Variants in SDC4 observed in about 807,000 individuals in gnomAD.
SDC4 encodes syndecan-4.
A neutral mutation model predicts 20.5 loss-of-function variants in SDC4; 17 were observed. The observed-to-expected ratio is 0.83, with a 90% CI of 0.57 to 1.25. The LOEUF (loss-of-function observed/expected upper bound fraction) is 1.25. Ranked by LOEUF, SDC4 falls within the 50% of genes most tolerant of loss-of-function variation. The pLI is 0.00. For synonymous variants in SDC4, 107 were observed against 105.3 expected, an observed-to-expected ratio of 1.02 and a Z score of -0.10; for missense variants, 241 against 252.3, an observed-to-expected ratio of 0.96 and a Z score of 0.30.
intron 2 of SDC4, among the ~76,000 whole-genome samples, chr20:45,335,529 G>A (rs1446190833): frequency 6.8e-6 from 1 of 148,004 alleles, no homozygotes; most frequent in African/African-American, 2.5e-5. Context: ...ATGAGGACAC[G>A]TTCAGGCTGG....
chr20:45,343,010 G>C (rs1344998777), intron 1 of SDC4, among the ~76,000 whole-genome samples: 1 of 152,176 alleles, frequency 6.6e-6, no homozygotes, highest in Non-Finnish European at 1.5e-5. Context: ...CATCAACAAA[G>C]TGACGTATTA....
Position 45,327,187 on chromosome 20 carries a change from C to T in SDC4, c.*77G>A, listed in dbSNP as rs1043601254. The T allele has an allele frequency of 3.4e-5, 52 of 1,528,370 alleles. 1 individual carries two copies. Among genetic ancestry groups the T allele is most frequent in the Non-Finnish European group, 4.0e-5 (44 of 1,108,702 alleles). 94.7% of individuals were successfully genotyped at this position (1,528,370 alleles called of 1,614,324 possible). A position where few individuals can be genotyped will look rare whatever the true frequency, so the allele number is the denominator to read the frequency against. On this transcript the variant is annotated 3_prime_UTR_variant, in exon 5 of 5. Coordinates refer to ENST00000372733, the MANE Select transcript of SDC4 (RefSeq NM_002999.4). ...AAGTCAGTATTAGGTTGACCTCACCCTACCCTAATGTCCACCCTTCAAAAT... is the reference window on the plus strand; with the variant it reads ...AAGTCAGTATTAGGTTGACCTCACCTTACCCTAATGTCCACCCTTCAAAAT...
At chr20:45,343,959 T>C (rs1987993527) in intron 1 of SDC4, among the ~76,000 whole-genome samples, 2 of 152,046 alleles carry the variant, frequency 1.3e-5, no homozygotes, top group South Asian at 2.1e-4. Flanking sequence ...CAGTAAGAGG[T>C]GGACTTCGCA....
chr20:45,332,824 C>T (rs908472357), intron 3 of SDC4, among the ~76,000 whole-genome samples, 199 bp downstream of exon 3: 1 of 151,898 alleles, frequency 6.6e-6, no homozygotes, highest in African/African-American at 2.4e-5. Flanking sequence ...GAACTCCTGA[C>T]CTCAAGCCTC....
rs890374345 is a variant in SDC4 at position 45,326,842 on chromosome 20, G to C, written c.*422C>G. 4 of 158,836 alleles carry C rather than the reference G, an allele frequency of 2.5e-5. No individual in the cohort carries two copies. Among genetic ancestry groups the C allele is most frequent in the Admixed American group, 1.9e-4 (3 of 16,092 alleles). 9.8% of individuals were successfully genotyped at this position (158,836 alleles called of 1,614,324 possible). A position where few individuals can be genotyped will look rare whatever the true frequency, so the allele number is the denominator to read the frequency against. On this transcript the variant is annotated 3_prime_UTR_variant, in exon 5 of 5. Transcript: ENST00000372733. ...GTTCCTTCCCCCATTTCCTGGCAGA[G>C]AGACCGGCTGTGAAAGGAAGGGAGG...
chr20:45,347,983 C>T, intron 1 of SDC4, among the ~76,000 whole-genome samples: 1 of 152,012 alleles, frequency 6.6e-6, no homozygotes, highest in South Asian at 2.1e-4. Flanking sequence ...GGGGATTCAG[C>T]GCTCCAAGCC....
At position 45,325,418 on chromosome 20, in the gene SDC4, G is replaced by C. The variant is rs7138; in HGVS notation, c.*1846C>G. On this transcript the variant is annotated 3_prime_UTR_variant, in exon 5 of 5. Coordinates refer to ENST00000372733, the MANE Select transcript of SDC4 (RefSeq NM_002999.4). Reference sequence around the variant, plus strand: ...GGGGAAGGGCACTGGGGGCAGAAGAGGACCCAGCCAGCTGGGACCCTGGGT... The same window carrying C: ...GGGGAAGGGCACTGGGGGCAGAAGACGACCCAGCCAGCTGGGACCCTGGGT... The C allele has an allele frequency of 0.13, 20,259 of 152,766 alleles. 1,503 individuals carry two copies. Among genetic ancestry groups the C allele is most frequent in the South Asian group, 0.26 (1,263 of 4,818 alleles). 9.5% of individuals were successfully genotyped at this position (152,766 alleles called of 1,614,324 possible).
chr20:45,335,083 C>G (rs1293215511), intron 2 of SDC4, among the ~76,000 whole-genome samples: 42 of 152,134 alleles, frequency 2.8e-4, no homozygotes, highest in Non-Finnish European at 2.9e-5. Context: ...CACCCGCCCC[C>G]ACCCCCACTG....
chr20:45,337,367 C>T (rs1188200440), intron 1 of SDC4, among the ~76,000 whole-genome samples: 5 of 152,158 alleles, frequency 3.3e-5, no homozygotes, highest in African/African-American at 9.7e-5. Context: ...CCCATCTTCT[C>T]CAGACGCCAT....
At chr20:45,339,722 A>G (rs918553070) in intron 1 of SDC4, among the ~76,000 whole-genome samples, 1 of 152,236 alleles carries the variant, frequency 6.6e-6, no homozygotes, top group Non-Finnish European at 1.5e-5. Context: ...CCTGGGTGAC[A>G]GAGGAAGACC....
chr20:45,342,983 G>A (rs1248285173), intron 1 of SDC4, among the ~76,000 whole-genome samples: 1 of 152,178 alleles, frequency 6.6e-6, no homozygotes, highest in African/African-American at 2.4e-5. Flanking sequence ...GTGTTTTATA[G>A]AGGACACTGG....
chr20:45,336,767 T>C (rs1233308724), intron 1 of SDC4, among the ~76,000 whole-genome samples: 2 of 151,796 alleles, frequency 1.3e-5, no homozygotes, highest in Non-Finnish European at 2.9e-5. Flanking sequence ...CCCAGCTGAG[T>C]CAGTCTGGGC....
rs1009757298 is a variant in SDC4, at chr20:45,325,502, C to T, written c.*1762G>A. The T allele has an allele frequency of 4.6e-5, 7 of 152,506 alleles. No individual in the cohort carries two copies. Among genetic ancestry groups the T allele is most frequent in the African/African-American group, 1.7e-4 (7 of 41,404 alleles). The allele number at this position is 152,506 out of a possible 1,614,324, so 9.4% of individuals were successfully genotyped here. ...CAGCAAGGGAGGGTGGTTCCCCTCA[C>T]CGCAGCCACTGGGGTCAGGAGGAGA... On this transcript the variant is annotated 3_prime_UTR_variant, in exon 5 of 5. Coordinates refer to ENST00000372733, the MANE Select transcript of SDC4 (RefSeq NM_002999.4).
chr20:45,333,180 G>T, intron 2 of SDC4, 111 bp from the exon 3 acceptor site: 2 of 1,007,788 alleles, frequency 2.0e-6, no homozygotes, highest in Non-Finnish European at 3.1e-6. Flanking sequence ...AATGCTCAAT[G>T]TCCAGCAAGC....
intron 2 of SDC4, among the ~76,000 whole-genome samples, chr20:45,335,123 T>C (rs1464766431): frequency 1.6e-5 from 2 of 122,708 alleles, no homozygotes; most frequent in Admixed American, 1.0e-4. Flanking sequence ...GTTTCCCAAC[T>C]ACATCTCTGC....
chr20:45,343,140 G>A (rs1311835459), intron 1 of SDC4, among the ~76,000 whole-genome samples: 1 of 152,164 alleles, frequency 6.6e-6, no homozygotes, highest in East Asian at 1.9e-4. Context: ...TGAGATGCAA[G>A]AATGTGCCCA....
chr20:45,348,260 G>C, intron 1 of SDC4, 65 bp downstream of exon 1: 7 of 1,238,746 alleles, frequency 5.7e-6, no homozygotes, highest in Non-Finnish European at 6.8e-6. Flanking sequence ...ACGCTCCGAC[G>C]AACAAAGGAG....
At chr20:45,328,050 C>T (rs191094814) in intron 4 of SDC4, among the ~76,000 whole-genome samples, 2 of 152,322 alleles carry the variant, frequency 1.3e-5, no homozygotes, top group South Asian at 2.1e-4. Context: ...AGGAGAAAAC[C>T]GTAGGCTATG....
chr20:45,330,115 G>A lies in SDC4; in HGVS notation c.445+251C>T, dbSNP rs2425696. 0.76 allele frequency among the ~76,000 whole-genome samples: 115,764 copies of A among 152,140 alleles called. 44,170 individuals carry two copies. Among genetic ancestry groups the A allele is most frequent in the East Asian group, 0.95 (4,886 of 5,168 alleles). Reference sequence around the variant, plus strand: ...AAATAAATGAGAAAGACTTAAGGCAGAAGAATGACTCAATGCCTATTTTCC... The same window carrying A: ...AAATAAATGAGAAAGACTTAAGGCAAAAGAATGACTCAATGCCTATTTTCC... On this transcript the variant is annotated intron_variant, in intron 4 of 4. Coordinates refer to ENST00000372733, the MANE Select transcript of SDC4 (RefSeq NM_002999.4).
Sources: allele counts gnomAD v4.1 joint callset (sites outside exome capture counted in the v4.1 genomes callset), GRCh38; gene constraint gnomAD v4.1.1; transcripts MANE v1.5; gene names NCBI Gene and HGNC (gene_info 2026-07-23, HGNC 2026-07-21).